The following GALNT2 variants were observed in gnomAD, a reference collection of about 807,000 sequenced individuals.
GALNT2 encodes polypeptide N-acetylgalactosaminyltransferase 2, also known as UDP-GalNAc:polypeptide N-acetylgalactosaminyltransferase 2.
A neutral mutation model predicts 81.4 loss-of-function variants in GALNT2; 31 were observed. That is an observed-to-expected ratio of 0.38 (90% CI 0.29 to 0.51). The LOEUF is 0.51. Among genes scored for constraint, GALNT2 ranks in the 20% least tolerant of loss-of-function variants. The pLI, the probability that GALNT2 is intolerant of heterozygous loss-of-function variation, is 0.87. For missense variants in GALNT2, 629 were observed against 765.7 expected (o/e 0.82, Z 2.11); for synonymous variants, 303 against 287.4 (o/e 1.05, Z -0.55).
chr1:230,083,973 C>T (rs1018197428), intron 1 of GALNT2, among the ~76,000 whole-genome samples: 3 of 152,224 alleles, frequency 2.0e-5, no homozygotes, highest in African/African-American at 7.2e-5. Context: ...AGCTCATCTC[C>T]ATCAGCACCC....
chr1:230,183,153 CTATG>C (rs1663213432), intron 2 of GALNT2, among the ~76,000 whole-genome samples: 1 of 152,118 alleles, frequency 6.6e-6, no homozygotes, highest in African/African-American at 2.4e-5. Flanking sequence ...TACTTTTAAT[CTATG>C]TGTGTTGTTT....
intron 14 of GALNT2, chr1:230,268,382 C>A (rs925351016): frequency 6.6e-6 from 1 of 152,266 alleles, no homozygotes; most frequent in East Asian, 1.9e-4. Flanking sequence ...CTTGTGATCC[C>A]TGGCCAGCCT....
intron 1 of GALNT2, among the ~76,000 whole-genome samples, chr1:230,072,829 G>A (rs182715519): frequency 6.6e-6 from 1 of 152,324 alleles, no homozygotes; most frequent in Non-Finnish European, 1.5e-5. Flanking sequence ...GACACTTGAG[G>A]GGCCTCTTGG....
chr1:230,220,575 A>G (rs1276573667), intron 3 of GALNT2, among the ~76,000 whole-genome samples: 1 of 151,430 alleles, frequency 6.6e-6, no homozygotes, highest in East Asian at 1.9e-4. Flanking sequence ...CCTCACTGTC[A>G]CCACGTGCTG....
chr1:230,241,735 C>T (rs749250022), intron 6 of GALNT2, among the ~76,000 whole-genome samples: 6 of 152,220 alleles, frequency 3.9e-5, no homozygotes, highest in Non-Finnish European at 5.9e-5. Context: ...GCGTGAGCCA[C>T]CACGCCCGGC....
chr1:230,161,070 C>T (rs186055117), intron 1 of GALNT2, among the ~76,000 whole-genome samples: 2 of 152,286 alleles, frequency 1.3e-5, no homozygotes, highest in East Asian at 3.9e-4. Flanking sequence ...CCTTTGATCC[C>T]TAGCAAACTG....
At chr1:230,260,686 C>A (rs915014858) in intron 11 of GALNT2, among the ~76,000 whole-genome samples, 1 of 152,164 alleles carries the variant, frequency 6.6e-6, no homozygotes, top group African/African-American at 2.4e-5. Flanking sequence ...CTTAGCAAAA[C>A]CCCACTAACA....
chr1:230,132,188 T>G (rs1661389703), intron 1 of GALNT2, among the ~76,000 whole-genome samples: 1 of 152,210 alleles, frequency 6.6e-6, no homozygotes, highest in Non-Finnish European at 1.5e-5. Flanking sequence ...CGGTCTCAAG[T>G]AGCAGTAACA....
intron 1 of GALNT2, chr1:230,091,512 T>C (rs557842548): frequency 6.6e-6 from 1 of 152,368 alleles, no homozygotes; most frequent in East Asian, 1.9e-4. Context: ...ATAGAATCAA[T>C]ACCCTCTCCT....
intron 1 of GALNT2, among the ~76,000 whole-genome samples, chr1:230,156,866 C>G (rs375872024): frequency 6.6e-6 from 1 of 152,240 alleles, no homozygotes; most frequent in Admixed American, 6.5e-5. Context: ...GGAAGCTAGC[C>G]GTCTTGTTTG....
intron 1 of GALNT2, among the ~76,000 whole-genome samples, chr1:230,077,081 T>C (rs991829077): frequency 2.0e-5 from 3 of 152,228 alleles, no homozygotes; most frequent in African/African-American, 4.8e-5. Context: ...TACTCTGTTA[T>C]CAGTATTTGG....
Position 230,250,443 on chromosome 1 carries a change from T to G in GALNT2, c.906-14T>G, listed in dbSNP as rs1271718771. 1 of 1,607,416 alleles carries G rather than the reference T, an allele frequency of 6.2e-7. No homozygotes were observed. The highest frequency in any genetic ancestry group is 8.5e-7 in the Non-Finnish European group (1 of 1,174,218). On this transcript the variant is annotated splice_polypyrimidine_tract_variant and intron_variant, in intron 9 of 15. Transcript: ENST00000366672. ...CCCTCTCCTCCCTCCCCCCTCTTCT[T>G]TCTGCCTCTTTAGAACCCCCATGAT...
intron 1 of GALNT2, among the ~76,000 whole-genome samples, chr1:230,166,080 C>G (rs1438750769): frequency 6.6e-6 from 1 of 151,742 alleles, no homozygotes; most frequent in Non-Finnish European, 1.5e-5. Flanking sequence ...TAAGCCATGA[C>G]AGTGTCCTCT....
intron 3 of GALNT2, among the ~76,000 whole-genome samples, chr1:230,209,054 G>A (rs1256922430): frequency 3.3e-5 from 5 of 151,030 alleles, no homozygotes; most frequent in African/African-American, 1.2e-4. Context: ...AAAAAAAAAA[G>A]CATGTTGAAG....
At chr1:230,107,474 G>C (rs995789155) in intron 1 of GALNT2, among the ~76,000 whole-genome samples, 1 of 152,172 alleles carries the variant, frequency 6.6e-6, no homozygotes, top group Non-Finnish European at 1.5e-5. Context: ...CACCTACTCG[G>C]GAGGCTGAGA....
intron 1 of GALNT2, among the ~76,000 whole-genome samples, chr1:230,151,103 G>A (rs1462718187): frequency 6.6e-6 from 1 of 152,202 alleles, no homozygotes; most frequent in Non-Finnish European, 1.5e-5. Flanking sequence ...AATATGTTCA[G>A]GATCTTGTGT....
At chr1:230,273,890 G>A (rs1666215444) in intron 14 of GALNT2, among the ~76,000 whole-genome samples, 1 of 152,174 alleles carries the variant, frequency 6.6e-6, no homozygotes, top group African/African-American at 2.4e-5. Context: ...TTTTCAGAGG[G>A]CTTCATGAGC....
At chr1:230,131,159 T>C (rs746489867) in intron 1 of GALNT2, among the ~76,000 whole-genome samples, 1 of 152,008 alleles carries the variant, frequency 6.6e-6, no homozygotes, top group Non-Finnish European at 1.5e-5. Flanking sequence ...CCTTAACATA[T>C]GTCCCTGAGT....
intron 1 of GALNT2, among the ~76,000 whole-genome samples, chr1:230,165,708 T>TGGCGCCAGAGG (rs1230516414): frequency 3.3e-5 from 5 of 152,176 alleles, no homozygotes; most frequent in Admixed American, 1.3e-4. Flanking sequence ...TACAAATAAG[T>TGGCGCCAGAGG]GGCGCCAGAG....
Sources: allele counts gnomAD v4.1 joint callset (sites outside exome capture counted in the v4.1 genomes callset), GRCh38; gene constraint gnomAD v4.1.1; transcripts MANE v1.5; gene names NCBI Gene and HGNC (gene_info 2026-07-23, HGNC 2026-07-21).